Variants in CTNNA2 observed in about 807,000 individuals in gnomAD.
The protein encoded by CTNNA2 is catenin alpha 2, also known as catenin alpha-2.
A neutral mutation model predicts 101.0 loss-of-function variants in CTNNA2; 42 were observed. That is an observed-to-expected ratio of 0.42 (90% CI 0.32 to 0.54). The LOEUF (loss-of-function observed/expected upper bound fraction) is 0.54, where lower values mean the gene tolerates loss of function less well. CTNNA2 is among the 20% of genes least tolerant of loss of function. The pLI is 0.14. For synonymous variants in CTNNA2, 450 were observed against 456.4 expected, an observed-to-expected ratio of 0.99 and a Z score of 0.18; for missense variants, 871 against 1,223.1, an observed-to-expected ratio of 0.71 and a Z score of 4.29.
chr2:79,414,486 A>G (rs1678454503), intron 4 of CTNNA2, among the ~76,000 whole-genome samples: 1 of 152,050 alleles, frequency 6.6e-6, no homozygotes, highest in Non-Finnish European at 1.5e-5. Context: ...CCATAAACAT[A>G]ATAATTCCTT....
chr2:79,211,365 G>A (rs1674170464), intron 2 of CTNNA2, among the ~76,000 whole-genome samples: 1 of 152,204 alleles, frequency 6.6e-6, no homozygotes, highest in African/African-American at 2.4e-5. Flanking sequence ...TCCGTGAGAA[G>A]AGACCACCAA....
chr2:79,740,430 A>T (rs1342382518), intron 2 of CTNNA2, among the ~76,000 whole-genome samples: 1 of 152,184 alleles, frequency 6.6e-6, no homozygotes, highest in Non-Finnish European at 1.5e-5. Flanking sequence ...TAGTTATAAG[A>T]TTTTTGAAAT....
chr2:80,619,381 T>G (rs1163641946), intron 18 of CTNNA2, among the ~76,000 whole-genome samples, 153 bp downstream of exon 18: 4 of 151,984 alleles, frequency 2.6e-5, no homozygotes, highest in Admixed American at 1.3e-4. Context: ...ATTCTTTATG[T>G]GGGTCAGAAA....
chr2:80,604,401 C>T (rs1697823009), intron 16 of CTNNA2, among the ~76,000 whole-genome samples: 1 of 151,884 alleles, frequency 6.6e-6, no homozygotes, highest in Admixed American at 6.6e-5. Context: ...GACCAAAATT[C>T]CTTGAGAAAG....
chr2:79,234,414 C>T (rs1025524341), intron 2 of CTNNA2, among the ~76,000 whole-genome samples: 17 of 152,108 alleles, frequency 1.1e-4, no homozygotes, highest in African/African-American at 3.4e-4. Flanking sequence ...GCTGCTAGCC[C>T]GATGGGGCAT....
chr2:79,630,764 G>A (rs1046463581), intron 1 of CTNNA2, among the ~76,000 whole-genome samples: 2 of 152,160 alleles, frequency 1.3e-5, no homozygotes, highest in African/African-American at 4.8e-5. Flanking sequence ...CGATGGTGAC[G>A]TAGGAGCCAT....
intron 9 of CTNNA2, among the ~76,000 whole-genome samples, chr2:80,524,722 G>A (rs942864747): frequency 2.0e-5 from 3 of 152,070 alleles, no homozygotes; most frequent in Non-Finnish European, 4.4e-5. Flanking sequence ...CTTGTTGTAA[G>A]CCTAGGGACC....
chr2:79,794,001 T>C (rs1675497287), intron 3 of CTNNA2, among the ~76,000 whole-genome samples: 1 of 148,614 alleles, frequency 6.7e-6, no homozygotes, highest in East Asian at 2.0e-4. Flanking sequence ...GGGAAGGGGG[T>C]GAGGGATAAA....
At chr2:80,569,622 G>GGGGTATTTA (rs1694373573) in intron 12 of CTNNA2, among the ~76,000 whole-genome samples, 1 of 98,704 alleles carries the variant, frequency 1.0e-5, no homozygotes, top group African/African-American at 3.3e-5. Flanking sequence ...TATTACTTTT[G>GGGGTATTTA]GGGTATTTAG....
intron 7 of CTNNA2, among the ~76,000 whole-genome samples, chr2:80,162,136 G>T (rs1704362852): frequency 6.6e-6 from 1 of 152,004 alleles, no homozygotes; most frequent in Admixed American, 6.6e-5. Context: ...AATACAAAAA[G>T]ATAACAAATA....
At chr2:79,752,583 C>A (rs1393333310) in intron 3 of CTNNA2, among the ~76,000 whole-genome samples, 1 of 152,154 alleles carries the variant, frequency 6.6e-6, no homozygotes, top group Non-Finnish European at 1.5e-5. Flanking sequence ...GTTATCATTG[C>A]AATACATATT....
At chr2:80,003,428 A>G (rs1486298648) in intron 7 of CTNNA2, among the ~76,000 whole-genome samples, 3 of 152,160 alleles carry the variant, frequency 2.0e-5, no homozygotes, top group Non-Finnish European at 4.4e-5. Context: ...GCATACCTCA[A>G]TGCAAAGCCA....
intron 7 of CTNNA2, among the ~76,000 whole-genome samples, chr2:79,942,633 G>T (rs1201573421): frequency 6.6e-6 from 1 of 152,076 alleles, no homozygotes; most frequent in South Asian, 2.1e-4. Context: ...ACCATTTATT[G>T]TTCTTATACA....
chr2:79,563,065 C>T (rs574300022), intron 1 of CTNNA2, among the ~76,000 whole-genome samples: 18 of 151,246 alleles, frequency 1.2e-4, no homozygotes, highest in South Asian at 2.1e-4. Flanking sequence ...AAAGTATAAA[C>T]GTAGCTGACA....
At chr2:80,530,079 T>G (rs1289204373) in intron 9 of CTNNA2, among the ~76,000 whole-genome samples, 2 of 152,140 alleles carry the variant, frequency 1.3e-5, no homozygotes, top group African/African-American at 4.8e-5. Context: ...GGTCCACTAC[T>G]GACCATGGCT....
At chr2:80,214,682 C>T (rs972482271) in intron 7 of CTNNA2, among the ~76,000 whole-genome samples, 8 of 152,074 alleles carry the variant, frequency 5.3e-5, no homozygotes, top group African/African-American at 1.9e-4. Flanking sequence ...TCTCTGGCTG[C>T]CCTTAATATT....
In CTNNA2 at chr2:80,401,420, G is replaced by A. The variant is rs188609077; in HGVS notation, c.1137+8129G>A. On this transcript the variant is annotated intron_variant, in intron 8 of 18. Transcript: ENST00000402739. The stretch of plus-strand genomic sequence containing the variant: ...GAGGATAATTTCCATGATTAATGAG[G>A]ATACCCTAATCCAGTAGTTTCCTGT... 8.3e-4 allele frequency among the ~76,000 whole-genome samples: 127 copies of A among 152,240 alleles called. 1 individual carries two copies. The highest frequency in any genetic ancestry group is 2.8e-3 in the African/African-American group (116 of 41,524).
At chr2:80,240,445 C>T (rs550944840) in intron 7 of CTNNA2, among the ~76,000 whole-genome samples, 2 of 152,320 alleles carry the variant, frequency 1.3e-5, no homozygotes, top group East Asian at 1.9e-4. Context: ...GCCATCTCCA[C>T]AGATATGTGC....
chr2:79,567,895 AC>A (rs140065090), intron 1 of CTNNA2, among the ~76,000 whole-genome samples: 1 of 152,296 alleles, frequency 6.6e-6, no homozygotes, highest in African/African-American at 2.4e-5. Context: ...GAAAGTTGGT[AC>A]CTGAAGACAA....
Sources: gnomAD v4.1 joint callset for allele counts (sites outside exome capture counted in the v4.1 genomes callset) on GRCh38, gnomAD v4.1.1 for gene constraint, MANE v1.5 for transcripts, NCBI Gene and HGNC (gene_info 2026-07-23, HGNC 2026-07-21) for gene names.